PHACTR4: variants seen among roughly 807,000 people sequenced by gnomAD.
The protein encoded by PHACTR4 is phosphatase and actin regulator 4.
Under a neutral mutation model 72.7 loss-of-function variants are expected in PHACTR4, and 51 were observed. That is an observed-to-expected ratio of 0.70 (90% confidence interval 0.56 to 0.89). PHACTR4 has a LOEUF of 0.89. Among genes scored for constraint, PHACTR4 ranks in the 40% least tolerant of loss-of-function variants. The pLI is 0.00. For missense variants in PHACTR4, 731 were observed against 861.8 expected, an observed-to-expected ratio of 0.85 and a Z score of 1.90; for synonymous variants, 255 against 302.5, an observed-to-expected ratio of 0.84 and a Z score of 1.63.
Position 28,484,823 on chromosome 1 carries a change from C to T in PHACTR4, c.1760+4219C>T, listed in dbSNP as rs547283458. On this transcript the variant is annotated intron_variant, in intron 9 of 13. Transcript: ENST00000373839. ...TCTACTAAAATTACAAAAAATTTAGCCGGGTGGTGGCAGGCACCTGTAGTC... is the reference window on the plus strand; with the variant it reads ...TCTACTAAAATTACAAAAAATTTAGTCGGGTGGTGGCAGGCACCTGTAGTC... Among the ~76,000 whole-genome samples the T allele has an allele frequency of 3.3e-5, 5 of 151,662 alleles. 1 individual carries two copies. The highest frequency in any genetic ancestry group is 1.2e-4 in the African/African-American group (5 of 41,344).
chr1:28,496,605 G>C lies in PHACTR4; in HGVS notation c.*56G>C. ...CTGCTTTGCTGCTTCCTTCTCCAAA[G>C]TGACATATGGAGGGAACTTTAGCAC... On this transcript the variant is annotated 3_prime_UTR_variant, in exon 14 of 14. Coordinates refer to ENST00000373839, the MANE Select transcript of PHACTR4 (RefSeq NM_001048183.3). 1 of 1,600,424 alleles carries C rather than the reference G, an allele frequency of 6.2e-7. No individual in the cohort carries two copies. The highest frequency in any genetic ancestry group is 1.3e-5 in the African/African-American group (1 of 74,736).
intron 5 of PHACTR4, 102 bp downstream of exon 5, chr1:28,465,951 T>TG: frequency 2.5e-6 from 3 of 1,199,128 alleles, no homozygotes; most frequent in Non-Finnish European, 3.5e-6. Context: ...CTAGAGAGAA[T>TG]TACATTCTCC....
In PHACTR4 at chr1:28,378,114, G is replaced by A. The variant is rs148350859; in HGVS notation, c.-39+8289G>A. Among the ~76,000 whole-genome samples, 595 of 147,746 alleles carry A rather than the reference G, an allele frequency of 4.0e-3. 2 individuals carry two copies. Among genetic ancestry groups the A allele is most frequent in the Non-Finnish European group, 6.5e-3 (438 of 67,014 alleles). The stretch of plus-strand genomic sequence containing the variant: ...CGGGAGGCTGAGGCAGGAGAATGGC[G>A]TGAACCTGGGAGGCACGGCTTGCAG... On this transcript the variant is annotated intron_variant, in intron 1 of 13. Coordinates refer to ENST00000373839, the MANE Select transcript of PHACTR4 (RefSeq NM_001048183.3).
chr1:28,461,979 T>C (rs912282289), intron 4 of PHACTR4, among the ~76,000 whole-genome samples: 17 of 150,936 alleles, frequency 1.1e-4, no homozygotes, highest in African/African-American at 4.2e-4. Context: ...ACTACTTTAA[T>C]GGTTTCACTG....
intron 4 of PHACTR4, among the ~76,000 whole-genome samples, chr1:28,460,518 C>A (rs35703169): frequency 2.0e-5 from 3 of 151,368 alleles, no homozygotes; most frequent in East Asian, 1.9e-4. Context: ...TCTTTTTTTT[C>A]CCCCCCTTGA....
chr1:28,401,544 C>T (rs758952681), intron 1 of PHACTR4, among the ~76,000 whole-genome samples: 5 of 151,920 alleles, frequency 3.3e-5, no homozygotes, highest in African/African-American at 9.7e-5. Context: ...TGACCTCAGG[C>T]GATCTGCCCG....
At chr1:28,370,915 C>CCCCA (rs1257708494) in intron 1 of PHACTR4, among the ~76,000 whole-genome samples, 1 of 151,868 alleles carries the variant, frequency 6.6e-6, no homozygotes, top group Non-Finnish European at 1.5e-5. Context: ...CACAGCAAGA[C>CCCCA]CCCATCTTAA....
chr1:28,399,884 C>T (rs767025965), intron 1 of PHACTR4, among the ~76,000 whole-genome samples: 1 of 152,282 alleles, frequency 6.6e-6, no homozygotes, highest in Non-Finnish European at 1.5e-5. Context: ...GAGCAAATCA[C>T]GCAGTTTCTG....
At chr1:28,425,584 A>G (rs1160949458) in intron 2 of PHACTR4, among the ~76,000 whole-genome samples, 3 of 152,232 alleles carry the variant, frequency 2.0e-5, no homozygotes, top group East Asian at 3.8e-4. Context: ...TCTCCTATTC[A>G]TGTACTGGAA....
intron 1 of PHACTR4, among the ~76,000 whole-genome samples, chr1:28,370,880 A>G (rs928161206): frequency 1.3e-5 from 2 of 152,158 alleles, no homozygotes; most frequent in Admixed American, 1.3e-4. Flanking sequence ...GCTTGAGGCC[A>G]GAAGTTCGCG....
chr1:28,398,735 C>T (rs1000059480), intron 1 of PHACTR4, among the ~76,000 whole-genome samples: 1 of 151,792 alleles, frequency 6.6e-6, no homozygotes, highest in Admixed American at 6.6e-5. Context: ...AGGAGAATTG[C>T]TTGAACCTGG....
chr1:28,444,869 C>T (rs570311138), intron 2 of PHACTR4, among the ~76,000 whole-genome samples: 2 of 150,874 alleles, frequency 1.3e-5, no homozygotes, highest in East Asian at 3.9e-4. Context: ...CCTCGTGATC[C>T]ACTTGCCTCG....
chr1:28,398,177 A>G (rs1164385692), intron 1 of PHACTR4, among the ~76,000 whole-genome samples: 1 of 152,156 alleles, frequency 6.6e-6, no homozygotes, highest in Non-Finnish European at 1.5e-5. Context: ...TCATATACCT[A>G]TGTTAACACC....
intron 2 of PHACTR4, among the ~76,000 whole-genome samples, chr1:28,419,321 A>G (rs769248270): frequency 1.3e-5 from 2 of 152,026 alleles, no homozygotes; most frequent in Non-Finnish European, 2.9e-5. Context: ...ATCTATAAAT[A>G]TATTGAAAGA....
At chr1:28,473,253 G>A (rs1659688520) in intron 6 of PHACTR4, among the ~76,000 whole-genome samples, 1 of 148,844 alleles carries the variant, frequency 6.7e-6, no homozygotes, top group African/African-American at 2.5e-5. Context: ...TCCAGTCTGG[G>A]CGAGAGAGTG....
chr1:28,450,076 A>C (rs1657825071), intron 2 of PHACTR4, among the ~76,000 whole-genome samples: 1 of 152,076 alleles, frequency 6.6e-6, no homozygotes, highest in Non-Finnish European at 1.5e-5. Flanking sequence ...CTACTCAAAC[A>C]GGAAACTCCA....
chr1:28,469,835 C>A (rs1176103044), intron 6 of PHACTR4, among the ~76,000 whole-genome samples: 1 of 151,946 alleles, frequency 6.6e-6, no homozygotes, highest in Non-Finnish European at 1.5e-5. Flanking sequence ...GTGGGCAGAT[C>A]GCTTGAGGCC....
intron 2 of PHACTR4, among the ~76,000 whole-genome samples, chr1:28,421,819 A>G (rs1655527310): frequency 6.6e-6 from 1 of 152,208 alleles, no homozygotes; most frequent in Non-Finnish European, 1.5e-5. Flanking sequence ...TTGGCTTAAT[A>G]CTAAAGGTGT....
At chr1:28,422,013 A>T (rs74456376) in intron 2 of PHACTR4, among the ~76,000 whole-genome samples, 478 of 152,316 alleles carry the variant, frequency 3.1e-3, no homozygotes, top group Non-Finnish European at 4.1e-3. Flanking sequence ...TCACTGCCCT[A>T]ACTGCCATGC....
Sources: allele counts gnomAD v4.1 joint callset (sites outside exome capture counted in the v4.1 genomes callset), GRCh38; gene constraint gnomAD v4.1.1; transcripts MANE v1.5; gene names NCBI Gene and HGNC (gene_info 2026-07-23, HGNC 2026-07-21).